METTL22: variants seen among roughly 807,000 people sequenced by gnomAD.
METTL22 encodes the protein methyltransferase 22, Kin17 lysine, also known as methyltransferase-like protein 22.
In METTL22, 51 loss-of-function variants were observed where a neutral mutation model predicts 48.4. The observed-to-expected ratio is 1.05, with a 90% CI of 0.84 to 1.33. The LOEUF is 1.33. Among genes scored for constraint, METTL22 ranks in the 40% most tolerant of loss-of-function variants. The probability of loss-of-function intolerance (pLI) is 0.00; values close to 1 mark genes in which losing one functional copy is unlikely to be tolerated. For synonymous variants in METTL22, 255 were observed against 214.1 expected, an observed-to-expected ratio of 1.19 and a Z score of -1.67; for missense variants, 678 against 526.9, an observed-to-expected ratio of 1.29 and a Z score of -2.81.
intron 2 of METTL22, among the ~76,000 whole-genome samples, chr16:8,627,046 C>G (rs551436833): frequency 2.0e-5 from 3 of 152,062 alleles, no homozygotes; most frequent in African/African-American, 7.2e-5. Context: ...TGCTCTTTAT[C>G]CCCACTCCCT....
chr16:8,646,970 T>C lies in METTL22; in HGVS notation c.*827T>C. 3.0e-6 allele frequency: 1 copy of C among 328,610 alleles called. No homozygotes were observed. Among genetic ancestry groups the C allele is most frequent in the Non-Finnish European group, 6.0e-6 (1 of 166,642 alleles). 20.4% of individuals were successfully genotyped at this position (328,610 alleles called of 1,614,324 possible). Reference sequence around the variant, plus strand: ...CTATGTCCCACTGTCTCTCTCCTTCTCTCCAGTTTTGGTCCCATCTTCCTG... The same window carrying C: ...CTATGTCCCACTGTCTCTCTCCTTCCCTCCAGTTTTGGTCCCATCTTCCTG... On this transcript the variant is annotated 3_prime_UTR_variant, in exon 11 of 11. Coordinates refer to ENST00000381920, the MANE Select transcript of METTL22 (RefSeq NM_024109.4).
chr16:8,639,285 A>G (rs2056519960), intron 6 of METTL22, 123 bp downstream of exon 6: 2 of 933,718 alleles, frequency 2.1e-6, no homozygotes, highest in African/African-American at 1.6e-5. Flanking sequence ...CAGGTGAGTA[A>G]GGGGAGCAGG....
Position 8,628,637 on chromosome 16 carries a change from C to T in METTL22, c.134-93C>T, listed in dbSNP as rs2056144495. The T allele has an allele frequency of 3.4e-6, 5 of 1,479,310 alleles. No homozygotes were observed. In the East Asian group the frequency reaches 9.1e-5, roughly 27 times the overall value. The allele number at this position is 1,479,310 out of a possible 1,614,324, so 91.6% of individuals were successfully genotyped here. On this transcript the variant is annotated intron_variant, in intron 2 of 10. Transcript: ENST00000381920. ...CTCTACCTGGCCTTTAAAAATCTTT[C>T]CTATTGGTAATCAGATATTCTCAAA...
rs1376409832 is a variant in METTL22, at chr16:8,642,191, C to G, written c.891C>G (p.Ile297Met). 4 of 1,613,414 alleles carry G rather than the reference C, an allele frequency of 2.5e-6. No homozygotes were observed. In the Admixed American group the frequency reaches 6.7e-5, roughly 27 times the overall value. ...EISDLYDHTT[I>M]LFAAEVFYDD... ...CTGACTTGTACGATCACACCACCATCCTGTTTGCAGCCGAAGGTAAGAAAA... is the reference window on the plus strand; with the variant it reads ...CTGACTTGTACGATCACACCACCATGCTGTTTGCAGCCGAAGGTAAGAAAA... Residue 297 changes from isoleucine to methionine, a missense_variant, in exon 8 of 11, where the codon ATC (isoleucine) becomes ATG (methionine). Physicochemically the swap from Ile to Met is conservative, Grantham distance 10. Transcript: ENST00000381920.
chr16:8,646,092 T>C lies in METTL22; in HGVS notation c.1180-16T>C. On this transcript the variant is annotated splice_polypyrimidine_tract_variant and intron_variant, in intron 10 of 10. Transcript: ENST00000381920. ...TGTGCACTTCAGAAACCTGTTCTTTTCTCTGTTTGCTGCAGGAGCTCTGGA... is the reference window on the plus strand; with the variant it reads ...TGTGCACTTCAGAAACCTGTTCTTTCCTCTGTTTGCTGCAGGAGCTCTGGA... 3 of 1,467,428 alleles carry C rather than the reference T, an allele frequency of 2.0e-6. No homozygotes were observed. The highest frequency in any genetic ancestry group is 2.7e-6 in the Non-Finnish European group (3 of 1,114,482). 90.9% of individuals were successfully genotyped at this position (1,467,428 alleles called of 1,614,324 possible).
At chr16:8,641,641 G>A (rs2056621539) in intron 7 of METTL22, 1 of 251,344 alleles carries the variant, frequency 4.0e-6, no homozygotes, top group East Asian at 1.0e-4. Context: ...GTATAAAGAT[G>A]TCTTTTTTTT....
chr16:8,627,337 C>T (rs2056095953), intron 2 of METTL22, among the ~76,000 whole-genome samples: 1 of 152,086 alleles, frequency 6.6e-6, no homozygotes, highest in Admixed American at 6.6e-5. Flanking sequence ...TCTGTGGCCA[C>T]TCTCAGGTTC....
chr16:8,640,448 C>T (rs1430465721), intron 6 of METTL22, among the ~76,000 whole-genome samples: 1 of 151,246 alleles, frequency 6.6e-6, no homozygotes, highest in East Asian at 2.0e-4. Flanking sequence ...TGTCTGGCAC[C>T]GTCCCTGACA....
the METTL22 span, among the ~76,000 whole-genome samples, chr16:8,660,792 A>G: frequency 1.2e-3 from 1 of 860 alleles, no homozygotes; most frequent in Admixed American, 0.019. Flanking sequence ...GAGGAGGAGG[A>G]GGAGGAGGAG....
At chr16:8,642,808 A>G (rs993661303) in intron 9 of METTL22, 1 of 567,946 alleles carries the variant, frequency 1.8e-6, no homozygotes, top group Non-Finnish European at 3.2e-6. Flanking sequence ...GGGAAGCATC[A>G]GGGGCCTTGG....
In METTL22 at chr16:8,623,091, A is replaced by G. The variant is rs182763617; in HGVS notation, c.-171+1316A>G. 7.1e-3 allele frequency among the ~76,000 whole-genome samples: 1,075 copies of G among 152,198 alleles called. 13 individuals are homozygous for G. The highest frequency in any genetic ancestry group is 0.025 in the African/African-American group (1,027 of 41,546). On this transcript the variant is annotated intron_variant, in intron 1 of 10. Coordinates refer to ENST00000381920, the MANE Select transcript of METTL22 (RefSeq NM_024109.4). ...CACTTTGGGAGGCCAAGGTAGATGG[A>G]TCTACCTTGGTCAGGAGTTCAAGAC...
In METTL22 at chr16:8,625,547, A is replaced by C; in HGVS notation, c.-119A>C. ...CTGAGATCTTCTCCCAGGGCGATGC[A>C]AAGCTACTCGCTACCAGCTTGGACC... On this transcript the variant is annotated 5_prime_UTR_variant, in exon 2 of 11. Coordinates refer to ENST00000381920, the MANE Select transcript of METTL22 (RefSeq NM_024109.4). 1.1e-6 allele frequency: 1 copy of C among 908,724 alleles called. No individual in the cohort carries two copies. The highest frequency in any genetic ancestry group is 1.6e-6 in the Non-Finnish European group (1 of 626,076). The allele number at this position is 908,724 out of a possible 1,614,324, so 56.3% of individuals were successfully genotyped here. A position where few individuals can be genotyped will look rare whatever the true frequency, so the allele number is the denominator to read the frequency against.
At chr16:8,653,144 C>G (rs1641091), downstream of METTL22, among the ~76,000 whole-genome samples, 150,420 of 152,320 alleles carry the variant, frequency 0.99, 74,307 homozygotes, top group Middle Eastern at 1. Context: ...CTGTTTCTTA[C>G]ATGGCAGTGT....
the METTL22 span, among the ~76,000 whole-genome samples, chr16:8,656,748 A>G: frequency 1.3e-5 from 2 of 152,222 alleles, no homozygotes; most frequent in Admixed American, 6.5e-5. Context: ...GTGCTGCTAT[A>G]ACAGAACACC....
chr16:8,634,650 GATT>G (rs1000263233), intron 3 of METTL22, among the ~76,000 whole-genome samples: 35 of 152,116 alleles, frequency 2.3e-4, no homozygotes, highest in Admixed American at 5.9e-4. Flanking sequence ...AATGAATTGT[GATT>G]ATTAGTAGTA....
chr16:8,645,921 G>A (rs1171304703), intron 10 of METTL22, 187 bp from the exon 11 acceptor site: 2 of 957,778 alleles, frequency 2.1e-6, no homozygotes, highest in Non-Finnish European at 2.4e-6. Flanking sequence ...CTCTGCCACA[G>A]TAAAATAGAA....
chr16:8,631,939 ACCTGGACCGCGCCCGG>A (rs1217497663), intron 3 of METTL22: 4 of 152,254 alleles, frequency 2.6e-5, no homozygotes, highest in Non-Finnish European at 5.9e-5. Flanking sequence ...CTATGCAGCC[ACCTGGACCGCGCCCGG>A]CCCAGGGCTG....
At chr16:8,664,047 G>A in the METTL22 span, among the ~76,000 whole-genome samples, 8,778 of 151,664 alleles carry the variant, frequency 0.058, 614 homozygotes, top group African/African-American at 0.17. Context: ...GCTAGGCAAT[G>A]ATCTTTCCTC....
chr16:8,639,070 G>T, intron 5 of METTL22, 21 bp from the exon 6 acceptor site: 1 of 1,613,874 alleles, frequency 6.2e-7, no homozygotes, highest in South Asian at 1.1e-5. Context: ...GCACTTTATG[G>T]CTTGCCCTCT....
Sources: gnomAD v4.1 joint callset for allele counts (sites outside exome capture counted in the v4.1 genomes callset) on GRCh38, gnomAD v4.1.1 for gene constraint, MANE v1.5 for transcripts, NCBI Gene and HGNC (gene_info 2026-07-23, HGNC 2026-07-21) for gene names.